The following LOXHD1 variants were observed in gnomAD, a reference collection of about 807,000 sequenced individuals.
The protein encoded by LOXHD1 is lipoxygenase homology PLAT domains 1.
Under a neutral mutation model 248.2 loss-of-function variants are expected in LOXHD1, and 205 were observed. That is an observed-to-expected ratio of 0.83 (90% CI 0.74 to 0.93). The LOEUF (loss-of-function observed/expected upper bound fraction) is 0.93. Ranked by LOEUF, LOXHD1 falls within the 40% of genes least tolerant of loss-of-function variation. LOXHD1 has a pLI of 0.00. For missense variants in LOXHD1, 2,930 were observed against 2,971.6 expected, an observed-to-expected ratio of 0.99 and a Z score of 0.33; for synonymous variants, 1,113 against 1,162.8, an observed-to-expected ratio of 0.96 and a Z score of 0.87.
At chr18:46,589,158 C>A (rs969405049) in intron 12 of LOXHD1, among the ~76,000 whole-genome samples, 4 of 152,196 alleles carry the variant, frequency 2.6e-5, no homozygotes, top group African/African-American at 9.6e-5. Context: ...TGTTGGCAAA[C>A]TGACAAAGTG....
In LOXHD1 at chr18:46,563,083, C is replaced by T. The variant is rs118140267; in HGVS notation, c.2580G>A (p.Ala860=). The change falls in exon 18 of 41, where the codon GCG becomes GCA. Residue 860 remains alanine (A), a synonymous_variant. Coordinates refer to ENST00000642948, the MANE Select transcript of LOXHD1 (RefSeq NM_001384474.1). The part of the protein sequence containing the change: ...LSSRSKVFER[A]SKDTFQLEAA... ...CACATACCTGGAATGTGTCCTTGGA[C>T]GCCCGTTCAAAAACTTTTGAGCGGC... 222 of 1,544,200 alleles carry T rather than the reference C, an allele frequency of 1.4e-4. No homozygotes were observed. In the East Asian group the frequency reaches 3.0e-3, roughly 21 times the overall value.
intron 2 of LOXHD1, 75 bp downstream of exon 2, chr18:46,649,080 G>C: frequency 8.0e-7 from 1 of 1,248,168 alleles, no homozygotes; most frequent in Non-Finnish European, 1.1e-6. Flanking sequence ...AGAGAAGCAG[G>C]CCACCCTTGG....
Position 46,601,512 on chromosome 18 carries a change from A to G in LOXHD1, c.884-45T>C, listed in dbSNP as rs776370162. 3.0e-5 allele frequency: 47 copies of G among 1,551,250 alleles called. No individual in the cohort carries two copies. The South Asian group carries it at 5.1e-4, about 17-fold the overall frequency. Reference sequence around the variant, plus strand: ...AAAGAGAGTGTTCAATGTGAGCTGCATCATAATATCCCACCCCCTCCTCCC... The same window carrying G: ...AAAGAGAGTGTTCAATGTGAGCTGCGTCATAATATCCCACCCCCTCCTCCC... On this transcript the variant is annotated intron_variant, in intron 7 of 40. Transcript: ENST00000642948.
At chr18:46,500,109 T>C (rs2034132805) in intron 37 of LOXHD1, among the ~76,000 whole-genome samples, 1 of 152,122 alleles carries the variant, frequency 6.6e-6, no homozygotes, top group African/African-American at 2.4e-5. Flanking sequence ...CCCCCTCCTC[T>C]TCCTTCTTTT....
chr18:46,652,190 T>C (rs1046453092), intron 1 of LOXHD1, among the ~76,000 whole-genome samples: 2 of 152,166 alleles, frequency 1.3e-5, no homozygotes, highest in Admixed American at 1.3e-4. Flanking sequence ...TAATCTATTG[T>C]AGCAGGAAGC....
chr18:46,509,852 T>TTTGGG, intron 34 of LOXHD1, 37 bp from the exon 35 acceptor site: 1 of 490,784 alleles, frequency 2.0e-6, no homozygotes, highest in Non-Finnish European at 3.6e-6. Flanking sequence ...GAAGGGAAGC[T>TTTGGG]GGCCATTGGG....
At chr18:46,550,545 A>G (rs1598980475) in intron 21 of LOXHD1, among the ~76,000 whole-genome samples, 1 of 131,768 alleles carries the variant, frequency 7.6e-6, no homozygotes, top group African/African-American at 2.7e-5. Flanking sequence ...TGCAGTCCGC[A>G]GTCCGGCCTG....
At position 46,533,185 on chromosome 18, in the gene LOXHD1, T is replaced by C. The variant is rs2036151111; in HGVS notation, c.4352A>G (p.Lys1451Arg). The change falls in exon 28 of 41, where the codon AAG (lysine) becomes AGG (arginine). Residue 1451 changes from lysine to arginine, a missense_variant. Transcript: ENST00000642948. Reference protein sequence around the residue: ...MKDGSLRQVYKEVEEPLDIVL... With the variant: ...MKDGSLRQVYREVEEPLDIVL... ...ACTGTCCAGAGGCTCTTCTACTTCCTTGTAGACTTGCCGTAAGGACCCATC... is the reference window on the plus strand; with the variant it reads ...ACTGTCCAGAGGCTCTTCTACTTCCCTGTAGACTTGCCGTAAGGACCCATC... The C allele has an allele frequency of 1.9e-6, 3 of 1,551,734 alleles. No individual in the cohort carries two copies. The highest frequency in any genetic ancestry group is 2.4e-5 in the South Asian group (2 of 84,062).
intron 1 of LOXHD1, among the ~76,000 whole-genome samples, chr18:46,652,618 C>A (rs1039417728): frequency 6.6e-6 from 1 of 152,190 alleles, no homozygotes. Context: ...TTGATCCAAG[C>A]ACTGGTAACT....
At position 46,615,899 on chromosome 18, in the gene LOXHD1, T is replaced by C. The variant is rs537410983; in HGVS notation, c.610+2293A>G. On this transcript the variant is annotated intron_variant, in intron 5 of 40. Coordinates refer to ENST00000642948, the MANE Select transcript of LOXHD1 (RefSeq NM_001384474.1). ...TTAAGTTTACACAAGTTAAAAATTATTGCATCATTCTTTTTGTCATTATTC... is the reference window on the plus strand; with the variant it reads ...TTAAGTTTACACAAGTTAAAAATTACTGCATCATTCTTTTTGTCATTATTC... Among the ~76,000 whole-genome samples the C allele has an allele frequency of 2.0e-5, 3 of 152,346 alleles. No individual in the cohort carries two copies. The East Asian group carries it at 5.8e-4, about 29-fold the overall frequency.
chr18:46,500,668 A>G (rs1049321073), intron 37 of LOXHD1, among the ~76,000 whole-genome samples: 1 of 152,320 alleles, frequency 6.6e-6, no homozygotes, highest in South Asian at 2.1e-4. Flanking sequence ...CCAATCCTTG[A>G]CATGGCTTAC....
chr18:46,634,385 C>G (rs1288465056), intron 4 of LOXHD1, among the ~76,000 whole-genome samples: 1 of 152,092 alleles, frequency 6.6e-6, no homozygotes, highest in Non-Finnish European at 1.5e-5. Context: ...CACAGAAATC[C>G]AAAATCTGAA....
At chr18:46,485,972 T>G (rs1036564457) in intron 38 of LOXHD1, among the ~76,000 whole-genome samples, 1 of 151,796 alleles carries the variant, frequency 6.6e-6, no homozygotes, top group Non-Finnish European at 1.5e-5. Context: ...CCTCTTTCCC[T>G]CTCCCTCCCC....
rs1290115125 is a variant in LOXHD1, at chr18:46,610,856, C to T, written c.679G>A (p.Ala227Thr). The T allele has an allele frequency of 1.9e-6, 3 of 1,551,800 alleles. No individual in the cohort carries two copies. Among genetic ancestry groups the T allele is most frequent in the South Asian group, 2.4e-5 (2 of 84,058 alleles). ...KGAEDRFILD[A>T]PDLGQLMKIN... Reference sequence around the variant, plus strand: ...TTCATCAGCTGCCCCAAATCCGGGGCATCCAGGATGAACCTGTCTTCAGCT... The same window carrying T: ...TTCATCAGCTGCCCCAAATCCGGGGTATCCAGGATGAACCTGTCTTCAGCT... Residue 227 changes from alanine (A) to threonine (T), a missense_variant, in exon 6 of 41, where the codon GCC becomes ACC. Transcript: ENST00000642948.
chr18:46,574,005 G>C (rs1007680790), intron 14 of LOXHD1, among the ~76,000 whole-genome samples: 2 of 151,960 alleles, frequency 1.3e-5, no homozygotes, highest in Non-Finnish European at 2.9e-5. Context: ...CACTCCATCT[G>C]TCCAGCTGAG....
In LOXHD1 at chr18:46,507,533, C is replaced by A; in HGVS notation, c.5692+5G>T. 1 of 1,551,670 alleles carries A rather than the reference C, an allele frequency of 6.4e-7. No individual in the cohort carries two copies. The highest frequency in any genetic ancestry group is 8.7e-7 in the Non-Finnish European group (1 of 1,146,968). On this transcript the variant is annotated splice_donor_5th_base_variant and intron_variant, in intron 36 of 40. Coordinates refer to ENST00000642948, the MANE Select transcript of LOXHD1 (RefSeq NM_001384474.1). Reference sequence around the variant, plus strand: ...AGCGGGAGGTGTGAGGGACCCCCGACCCACCCAGGATGTCGCTGGTCTTAA... The same window carrying A: ...AGCGGGAGGTGTGAGGGACCCCCGAACCACCCAGGATGTCGCTGGTCTTAA...
At chr18:46,535,391 C>T (rs1265269730) in intron 26 of LOXHD1, among the ~76,000 whole-genome samples, 9 of 151,742 alleles carry the variant, frequency 5.9e-5, no homozygotes, top group Admixed American at 4.6e-4. Context: ...CATGAAAGTC[C>T]CCTGAAAAAA....
intron 34 of LOXHD1, among the ~76,000 whole-genome samples, chr18:46,516,228 G>A (rs1260329264): frequency 6.6e-6 from 1 of 152,106 alleles, no homozygotes; most frequent in African/African-American, 2.4e-5. Flanking sequence ...GCATCTTACT[G>A]GTGGAGACGA....
chr18:46,578,325 T>C (rs993763622), intron 13 of LOXHD1, among the ~76,000 whole-genome samples: 15 of 152,090 alleles, frequency 9.9e-5, no homozygotes, highest in Non-Finnish European at 1.9e-4. Flanking sequence ...AGTTTCCAAG[T>C]GTACATGAGC....
Sources: gnomAD v4.1 joint callset for allele counts (sites outside exome capture counted in the v4.1 genomes callset) on GRCh38, gnomAD v4.1.1 for gene constraint, MANE v1.5 for transcripts, NCBI Gene and HGNC (gene_info 2026-07-23, HGNC 2026-07-21) for gene names.